The following EXOC6B variants were observed in gnomAD, a reference collection of about 807,000 sequenced individuals.
The protein encoded by EXOC6B is exocyst complex component 6B.
Under a neutral mutation model 113.5 loss-of-function variants are expected in EXOC6B, and 54 were observed. The observed-to-expected ratio is 0.48, with a 90% CI of 0.38 to 0.60. The LOEUF is 0.60. Ranked by LOEUF, EXOC6B falls within the 20% of genes least tolerant of loss-of-function variation. The pLI is 0.00. For synonymous variants in EXOC6B, 357 were observed against 339.0 expected (o/e 1.05, Z -0.58); for missense variants, 797 against 977.5 (o/e 0.82, Z 2.46).
In EXOC6B at chr2:72,799,790, C is replaced by T. The variant is rs530794264; in HGVS notation, c.113+26008G>A. On this transcript the variant is annotated intron_variant, in intron 1 of 21. Transcript: ENST00000272427. Reference sequence around the variant, plus strand: ...TCACTATTTTAAAATAGTGGCTCAACCTGGTGGCTCATGCCTGTAATCCCA... The same window carrying T: ...TCACTATTTTAAAATAGTGGCTCAATCTGGTGGCTCATGCCTGTAATCCCA... Among the ~76,000 whole-genome samples, 89 of 152,164 alleles carry T rather than the reference C, an allele frequency of 5.8e-4. 1 individual carries two copies. Among genetic ancestry groups the T allele is most frequent in the African/African-American group, 2.1e-3 (88 of 41,528 alleles).
At chr2:72,648,246 G>A (rs1673888053) in intron 6 of EXOC6B, among the ~76,000 whole-genome samples, 1 of 152,198 alleles carries the variant, frequency 6.6e-6, no homozygotes, top group South Asian at 2.1e-4. Context: ...TCTCACACCA[G>A]TTGGAATGGC....
chr2:72,257,300 C>T (rs1404701955), intron 20 of EXOC6B, among the ~76,000 whole-genome samples: 3 of 152,118 alleles, frequency 2.0e-5, no homozygotes, highest in African/African-American at 4.8e-5. Flanking sequence ...ATCTGTTTGA[C>T]TAAATAAGTT....
At chr2:72,783,947 T>C (rs1684223711) in intron 1 of EXOC6B, among the ~76,000 whole-genome samples, 1 of 152,200 alleles carries the variant, frequency 6.6e-6, no homozygotes, top group African/African-American at 2.4e-5. Context: ...GTTTCCTCTA[T>C]GTTTTCTTCC....
intron 1 of EXOC6B, among the ~76,000 whole-genome samples, chr2:72,793,595 A>T (rs1240204377): frequency 6.6e-6 from 1 of 152,174 alleles, no homozygotes; most frequent in Non-Finnish European, 1.5e-5. Context: ...GGAGTCAGGA[A>T]AAAAAAGAGA....
At chr2:72,733,999 A>C (rs1195352788) in intron 2 of EXOC6B, among the ~76,000 whole-genome samples, 3 of 152,202 alleles carry the variant, frequency 2.0e-5, no homozygotes, top group Admixed American at 2.0e-4. Flanking sequence ...ACATGCGAGC[A>C]CACACAGTCT....
rs1473887109 is a variant in EXOC6B, at chr2:72,519,385, T to C, written c.916-4259A>G. On this transcript the variant is annotated intron_variant, in intron 8 of 21. Coordinates refer to ENST00000272427, the MANE Select transcript of EXOC6B (RefSeq NM_015189.3). ...TAGTGTTCCTAAGCTCAAGAAACAA[T>C]ATGTGCCTTTGAAAGAAGGCACAAG... Among the ~76,000 whole-genome samples the C allele has an allele frequency of 3.3e-5, 5 of 152,126 alleles. No individual in the cohort carries two copies. In the East Asian group the frequency reaches 9.6e-4, roughly 29 times the overall value.
At chr2:72,689,327 C>CGTTT (rs1677319904) in intron 6 of EXOC6B, among the ~76,000 whole-genome samples, 1 of 152,190 alleles carries the variant, frequency 6.6e-6, no homozygotes, top group African/African-American at 2.4e-5. Flanking sequence ...GGCTCAAAAA[C>CGTTT]ATCACTTATC....
At chr2:72,343,216 A>C (rs981952264) in intron 19 of EXOC6B, among the ~76,000 whole-genome samples, 6 of 152,200 alleles carry the variant, frequency 3.9e-5, no homozygotes, top group Non-Finnish European at 7.3e-5. Flanking sequence ...ACTTGAGGCC[A>C]GGAGTTCAAG....
intron 6 of EXOC6B, among the ~76,000 whole-genome samples, chr2:72,661,579 T>C (rs1675021373): frequency 6.6e-6 from 1 of 152,082 alleles, no homozygotes; most frequent in South Asian, 2.1e-4. Flanking sequence ...ATGATTTAGA[T>C]AATAAAAACT....
chr2:72,298,382 T>A lies in EXOC6B; in HGVS notation c.2196+36565A>T, dbSNP rs566313862. ...TTTATTTTGAGCTTAGGTGTGTCTT[T>A]GCACATGAGATGGATCTCCTGAATA... On this transcript the variant is annotated intron_variant, in intron 20 of 21. Coordinates refer to ENST00000272427, the MANE Select transcript of EXOC6B (RefSeq NM_015189.3). Among the ~76,000 whole-genome samples the A allele has an allele frequency of 1.2e-4, 18 of 152,342 alleles. 1 individual carries two copies. The highest frequency in any genetic ancestry group is 4.1e-4 in the African/African-American group (17 of 41,568).
At chr2:72,799,258 A>AAC (rs1230332689) in intron 1 of EXOC6B, among the ~76,000 whole-genome samples, 14 of 149,484 alleles carry the variant, frequency 9.4e-5, no homozygotes, top group Admixed American at 2.0e-4. Context: ...AAAAAAAAAA[A>AAC]AAACAAACAT....
chr2:72,244,947 T>C (rs1323207650), intron 20 of EXOC6B, among the ~76,000 whole-genome samples: 1 of 152,164 alleles, frequency 6.6e-6, no homozygotes, highest in Non-Finnish European at 1.5e-5. Flanking sequence ...TACAGATTTA[T>C]ATGAGGAAAA....
chr2:72,646,553 T>C (rs1673730857), intron 6 of EXOC6B, among the ~76,000 whole-genome samples: 1 of 152,154 alleles, frequency 6.6e-6, no homozygotes, highest in Non-Finnish European at 1.5e-5. Flanking sequence ...AAATCCTCAA[T>C]AAAATACTGG....
intron 6 of EXOC6B, among the ~76,000 whole-genome samples, chr2:72,626,297 A>G (rs371589100): frequency 1.2e-4 from 18 of 152,302 alleles, no homozygotes; most frequent in African/African-American, 3.6e-4. Flanking sequence ...ACAAGATTTC[A>G]GCAACTCCTA....
chr2:72,582,850 C>T lies in EXOC6B; in HGVS notation c.670-7182G>A, dbSNP rs562516538. 3.5e-3 allele frequency among the ~76,000 whole-genome samples: 528 copies of T among 152,112 alleles called. 1 individual carries two copies. Among genetic ancestry groups the T allele is most frequent in the Non-Finnish European group, 6.3e-3 (431 of 67,982 alleles). On this transcript the variant is annotated intron_variant, in intron 6 of 21. Coordinates refer to ENST00000272427, the MANE Select transcript of EXOC6B (RefSeq NM_015189.3). ...GGGTCAGCAGGCCCACCTACAGGTC[C>T]CCCAATTGGCCAGGCTGATCTCTTC...
chr2:72,202,656 T>C (rs1312955867), intron 20 of EXOC6B, among the ~76,000 whole-genome samples: 4 of 151,498 alleles, frequency 2.6e-5, no homozygotes, highest in Admixed American at 6.6e-5. Context: ...CTATTTTTTT[T>C]ACCTGAGATC....
chr2:72,773,141 T>TTTTTTTG (rs1182849659), intron 1 of EXOC6B, among the ~76,000 whole-genome samples: 1 of 145,378 alleles, frequency 6.9e-6, no homozygotes, highest in African/African-American at 2.6e-5. Context: ...TTTTTTTTTT[T>TTTTTTTG]TGTGAGACAG....
chr2:72,439,955 T>A (rs2105327126), intron 18 of EXOC6B, among the ~76,000 whole-genome samples: 1 of 152,228 alleles, frequency 6.6e-6, no homozygotes, highest in East Asian at 1.9e-4. Flanking sequence ...TGGGGGTTCA[T>A]TTGCTCTAGT....
intron 18 of EXOC6B, among the ~76,000 whole-genome samples, chr2:72,432,629 G>A (rs138437395): frequency 6.6e-6 from 1 of 152,148 alleles, no homozygotes; most frequent in South Asian, 2.1e-4. Context: ...TAACTGGCAT[G>A]AGATAGTATC....
Sources: gnomAD v4.1 joint callset for allele counts (sites outside exome capture counted in the v4.1 genomes callset) on GRCh38, gnomAD v4.1.1 for gene constraint, MANE v1.5 for transcripts, NCBI Gene and HGNC (gene_info 2026-07-23, HGNC 2026-07-21) for gene names.